Variants in CYP2A7 observed in about 807,000 individuals in gnomAD.
The protein encoded by CYP2A7 is cytochrome P450 2A7.
Under a neutral mutation model 42.0 loss-of-function variants are expected in CYP2A7, and 36 were observed. The observed-to-expected ratio is 0.86, with a 90% CI of 0.66 to 1.13. The LOEUF is 1.13. Among genes scored for constraint, CYP2A7 ranks in the 50% most tolerant of loss-of-function variants. CYP2A7 has a pLI of 0.00. For synonymous variants in CYP2A7, 260 were observed against 249.5 expected, an observed-to-expected ratio of 1.04 and a Z score of -0.40; for missense variants, 661 against 634.1, an observed-to-expected ratio of 1.04 and a Z score of -0.46.
At chr19:40,878,282 G>T (rs552379064) in intron 5 of CYP2A7, among the ~76,000 whole-genome samples, 1 of 151,758 alleles carries the variant, frequency 6.6e-6, no homozygotes, top group South Asian at 2.1e-4. Flanking sequence ...AGTTGCACAG[G>T]CTGGACTCGA....
intron 6 of CYP2A7, 85 bp downstream of exon 6, chr19:40,877,767 T>C: frequency 1.3e-6 from 2 of 1,523,200 alleles, no homozygotes; most frequent in Non-Finnish European, 1.8e-6. Flanking sequence ...GGTCCTGGGA[T>C]CTGGGACAGG....
intron 7 of CYP2A7, 90 bp from the exon 8 acceptor site, chr19:40,876,758 A>G: frequency 2.7e-6 from 4 of 1,498,870 alleles, no homozygotes; most frequent in Non-Finnish European, 2.7e-6. Context: ...AGTGTGCCCC[A>G]GGTAAGGGGA....
chr19:40,882,193 C>A lies in CYP2A7; in HGVS notation c.18G>T (p.Leu6=). 4 of 1,613,872 alleles carry A rather than the reference C, an allele frequency of 2.5e-6. No individual in the cohort carries two copies. The highest frequency in any genetic ancestry group is 3.4e-6 in the Non-Finnish European group (4 of 1,179,776). MLASG[L]LLVALLACLT... is the part of the protein sequence containing the mutation. ...GGCAGGCCAGCAAGGCCACCAGAAGCAGCCCTGAGGCCAGCATGGTGGTAG... is the reference window on the plus strand; with the variant it reads ...GGCAGGCCAGCAAGGCCACCAGAAGAAGCCCTGAGGCCAGCATGGTGGTAG... Residue 6 remains leucine (L), a synonymous_variant, in exon 1 of 9, where the codon CTG becomes CTT. Coordinates refer to ENST00000301146, the MANE Select transcript of CYP2A7 (RefSeq NM_000764.3).
At chr19:40,881,049 A>G (rs1967670981) in intron 2 of CYP2A7, among the ~76,000 whole-genome samples, 1 of 151,098 alleles carries the variant, frequency 6.6e-6, no homozygotes, top group Admixed American at 6.6e-5. Context: ...GGAGGAAATA[A>G]AAATGGTGAA....
chr19:40,877,146 AG>A, intron 7 of CYP2A7, 43 bp downstream of exon 7: 2 of 1,596,870 alleles, frequency 1.3e-6, no homozygotes, highest in Non-Finnish European at 8.6e-7. Context: ...GACACAGAGA[AG>A]GGCTGGAAGT....
At chr19:40,877,706 T>G (rs1967568492) in intron 6 of CYP2A7, 146 bp downstream of exon 6, 1 of 1,186,920 alleles carries the variant, frequency 8.4e-7, no homozygotes, top group Admixed American at 2.6e-5. Context: ...ACTCAGCTGA[T>G]GCCTACCAGC....
intron 1 of CYP2A7, 127 bp from the exon 2 acceptor site, chr19:40,881,878 A>G (rs532894348): frequency 6.6e-7 from 1 of 1,513,948 alleles, no homozygotes; most frequent in Non-Finnish European, 8.9e-7. Flanking sequence ...GGACATCCCA[A>G]GATCCTGTCT....
At chr19:40,879,626 G>C (rs1967609798) in intron 4 of CYP2A7, among the ~76,000 whole-genome samples, 1 of 151,438 alleles carries the variant, frequency 6.6e-6, no homozygotes, top group African/African-American at 2.4e-5. Flanking sequence ...GAAGTAGAGG[G>C]CGCTTGGCCA....
chr19:40,877,173 G>T lies in CYP2A7; in HGVS notation c.1161+17C>A, dbSNP rs762109771. 4 of 1,611,396 alleles carry T rather than the reference G, an allele frequency of 2.5e-6. No homozygotes were observed. The highest frequency in any genetic ancestry group is 3.4e-6 in the Non-Finnish European group (4 of 1,178,020). Reference sequence around the variant, plus strand: ...GGCTGGAAGTCCCCGTAGTCTAGGGGGTGGGGAGGATAGCACCTTAGGGAG... The same window carrying T: ...GGCTGGAAGTCCCCGTAGTCTAGGGTGTGGGGAGGATAGCACCTTAGGGAG... On this transcript the variant is annotated intron_variant, in intron 7 of 8. Transcript: ENST00000301146.
intron 2 of CYP2A7, 76 bp from the exon 3 acceptor site, chr19:40,880,704 C>G (rs1180094385): frequency 6.6e-7 from 1 of 1,510,230 alleles, no homozygotes; most frequent in Admixed American, 2.0e-5. Flanking sequence ...CAAGGGGCTC[C>G]CCAAGGGTGG....
At chr19:40,876,858 C>T in intron 7 of CYP2A7, 190 bp from the exon 8 acceptor site, 2 of 808,596 alleles carry the variant, frequency 2.5e-6, no homozygotes, top group Admixed American at 3.0e-5. Context: ...GTTTGGGAGA[C>T]ATGGGGTCCA....
intron 5 of CYP2A7, 74 bp from the exon 6 acceptor site, chr19:40,878,067 A>G (rs1967577393): frequency 6.6e-7 from 1 of 1,509,944 alleles, no homozygotes; most frequent in African/African-American, 1.4e-5. Flanking sequence ...TTTCCTTTGG[A>G]TCTACCTCTC....
In CYP2A7 at chr19:40,878,913, C is replaced by T; in HGVS notation, c.678G>A (p.Val226=). The change falls in exon 5 of 9, where the codon GTG becomes GTA. Residue 226 remains valine, a synonymous_variant. Transcript: ENST00000301146. ...GCTGTGGTCCTGGCAGGTGTTTCAT[C>T]ACCGAAGAGAACATCTCATAGAGCT... ...TGQLYEMFSS[V]MKHLPGPQQQ... is the part of the protein sequence containing the mutation. 1.9e-6 allele frequency: 3 copies of T among 1,609,838 alleles called. 1 individual carries two copies. Among genetic ancestry groups the T allele is most frequent in the Non-Finnish European group, 2.5e-6 (3 of 1,177,066 alleles).
In CYP2A7 at chr19:40,878,767, A is replaced by G. The variant is rs1455492985; in HGVS notation, c.824T>C (p.Met275Thr). The change falls in exon 5 of 9, where the codon ATG (methionine) becomes ACG (threonine). Residue 275 changes from methionine (M) to threonine (T), a missense_variant. Around this residue, in one of 3 missense-constraint regions of CYP2A7, gnomAD observed 614 missense variants for 552.4 expected, o/e 1.11. Transcript: ENST00000301146. The stretch of plus-strand genomic sequence containing the variant: ...CTGGCTGCTGGGGTGTACCTCCTGC[A>G]TGTGGATGAGAAAGGAGTCGATGAA... The part of the protein sequence containing the change: ...QDFIDSFLIH[M>T]QEEEKNPNTE... 1 of 1,611,140 alleles carries G rather than the reference A, an allele frequency of 6.2e-7. No individual in the cohort carries two copies. Among genetic ancestry groups the G allele is most frequent in the Admixed American group, 1.7e-5 (1 of 59,838 alleles).
At chr19:40,876,879 C>G (rs1289377542) in intron 7 of CYP2A7, 1 of 735,556 alleles carries the variant, frequency 1.4e-6, no homozygotes, top group Non-Finnish European at 2.2e-6. Flanking sequence ...TGTCTTGCTA[C>G]GCAGGTTGTT....
chr19:40,877,553 G>T (rs1967565472), intron 6 of CYP2A7, among the ~76,000 whole-genome samples, 176 bp from the exon 7 acceptor site: 1 of 151,582 alleles, frequency 6.6e-6, no homozygotes, highest in Non-Finnish European at 1.5e-5. Context: ...CTGTTAACCA[G>T]GTTGTGCCAG....
Position 40,875,631 on chromosome 19 carries a change from C to T in CYP2A7, c.*62G>A, listed in dbSNP as rs1196818866. On this transcript the variant is annotated 3_prime_UTR_variant, in exon 9 of 9. Coordinates refer to ENST00000301146, the MANE Select transcript of CYP2A7 (RefSeq NM_000764.3). ...TCTTATACCCGCCTCTTCCGCGAAC[C>T]CCGCCCTGACCCCGCCTTTCCCTGG... 3.1e-6 allele frequency: 5 copies of T among 1,610,020 alleles called. No individual in the cohort carries two copies. The highest frequency in any genetic ancestry group is 3.3e-4 in the Middle Eastern group (2 of 6,040).
At position 40,880,496 on chromosome 19, in the gene CYP2A7, G is replaced by T; in HGVS notation, c.476C>A (p.Ala159Asp). 1.9e-6 allele frequency: 3 copies of T among 1,612,628 alleles called. No individual in the cohort carries two copies. Among genetic ancestry groups the T allele is most frequent in the Non-Finnish European group, 2.5e-6 (3 of 1,179,032 alleles). ...TTACTCACCGTGCGTGCTCCGGATG[G>T]CCTCGATGAGGAAGCCCGACTCCTC... Reference protein sequence around the residue: ...IQEESGFLIEAIRSTHGANID... With the variant: ...IQEESGFLIEDIRSTHGANID... Residue 159 changes from alanine (A) to aspartate (D), a missense_variant, in exon 3 of 9, where the codon GCC becomes GAC. Ala to Asp is a moderately radical substitution (Grantham distance 126). Around this residue, in one of 3 missense-constraint regions of CYP2A7, gnomAD observed 614 missense variants for 552.4 expected, o/e 1.11. Transcript: ENST00000301146.
rs71337574 is a variant in CYP2A7 at position 40,880,639 on chromosome 19, C to G, written c.344-11G>C. 0.28 allele frequency: 228,873 copies of G among 804,412 alleles called. 53,228 individuals are homozygous for G. Among genetic ancestry groups the G allele is most frequent in the Admixed American group, 0.54 (17,208 of 31,986 alleles). The allele number at this position is 804,412 out of a possible 1,614,324, so 49.8% of individuals were successfully genotyped here. ...TGCTGAACGCCACGCCTGGGGAGGT[C>G]AAGGCGGGGGTGGAGAGAGGTCAGG... On this transcript the variant is annotated splice_polypyrimidine_tract_variant and intron_variant, in intron 2 of 8. Transcript: ENST00000301146.
Sources: gnomAD v4.1 joint callset for allele counts (sites outside exome capture counted in the v4.1 genomes callset) on GRCh38, gnomAD v4.1.1 for gene constraint, gnomAD v4.1.1 regional missense constraint, MANE v1.5 for transcripts, NCBI Gene and HGNC (gene_info 2026-07-23, HGNC 2026-07-21) for gene names.